The following FRYL variants were observed in gnomAD, a reference collection of about 807,000 sequenced individuals.
FRYL encodes the protein FRY like transcription coactivator, also known as protein furry homolog-like.
In FRYL, 150 loss-of-function variants were observed where a neutral mutation model predicts 351.2. The ratio of observed to expected loss-of-function variants is 0.43; its 90% CI spans 0.37 to 0.49. The LOEUF (loss-of-function observed/expected upper bound fraction) is 0.49, where lower values mean the gene tolerates loss of function less well. Among genes scored for constraint, FRYL ranks in the 20% least tolerant of loss-of-function variants. The pLI is 0.00. For missense variants in FRYL, 3,036 were observed against 3,619.3 expected, an observed-to-expected ratio of 0.84 and a Z score of 4.13; for synonymous variants, 1,153 against 1,257.1, an observed-to-expected ratio of 0.92 and a Z score of 1.75.
chr4:48,675,412 G>C (rs527678950), intron 3 of FRYL, among the ~76,000 whole-genome samples: 19 of 152,366 alleles, frequency 1.2e-4, no homozygotes, highest in Admixed American at 1.0e-3. Flanking sequence ...GTGGGCGTGG[G>C]CTTGCCAGGC....
chr4:48,553,304 G>T lies in FRYL; in HGVS notation c.4346C>A (p.Thr1449Asn). The T allele has an allele frequency of 1.2e-6, 2 of 1,612,514 alleles. No individual in the cohort carries two copies. Among genetic ancestry groups the T allele is most frequent in the Non-Finnish European group, 1.7e-6 (2 of 1,178,664 alleles). Residue 1449 changes from threonine (T) to asparagine (N), a missense_variant, in exon 36 of 64, where the codon ACC becomes AAC. By Grantham distance (65) the Thr-to-Asn change is moderately conservative (BLOSUM62 0). Around this residue, in one of 7 missense-constraint regions of FRYL, gnomAD observed 1,987 missense variants for 2,311.7 expected, o/e 0.86. Transcript: ENST00000358350. ...LEELVSELQLTDPVSSGVTHM... is the reference protein window; with the variant it reads ...LEELVSELQLNDPVSSGVTHM... ...AGTGACCCCTGAACTGACAGGATCG[G>T]TCAGCTGAAGCTCACTCACCAGCTC... is the stretch of plus-strand genomic sequence containing the variant.
chr4:48,625,896 C>T, intron 4 of FRYL, among the ~76,000 whole-genome samples: 1 of 152,094 alleles, frequency 6.6e-6, no homozygotes, highest in Non-Finnish European at 1.5e-5. Context: ...ATTTAAAACT[C>T]TAGGAATATA....
chr4:48,632,990 G>A (rs894902207), intron 4 of FRYL, among the ~76,000 whole-genome samples: 3 of 152,066 alleles, frequency 2.0e-5, no homozygotes, highest in African/African-American at 2.4e-5. Flanking sequence ...TCAGTGCGCC[G>A]TCACAAACCC....
intron 1 of FRYL, among the ~76,000 whole-genome samples, chr4:48,749,753 G>A (rs927551229): frequency 2.0e-5 from 3 of 152,158 alleles, no homozygotes; most frequent in Non-Finnish European, 4.4e-5. Flanking sequence ...ATGGCAAGCC[G>A]TGTTTCCTGT....
intron 2 of FRYL, among the ~76,000 whole-genome samples, chr4:48,697,885 A>T (rs980186742): frequency 2.0e-5 from 3 of 152,242 alleles, no homozygotes; most frequent in African/African-American, 7.2e-5. Context: ...GAATGGGAAT[A>T]GCATCTCTGG....
At chr4:48,588,389 A>T (rs1269381683) in intron 18 of FRYL, among the ~76,000 whole-genome samples, 1 of 152,062 alleles carries the variant, frequency 6.6e-6, no homozygotes, top group Non-Finnish European at 1.5e-5. Flanking sequence ...CCAGTTCTAC[A>T]CCCCACTCCA....
chr4:48,654,298 C>CA (rs34418324), intron 3 of FRYL, among the ~76,000 whole-genome samples: 10,170 of 123,380 alleles, frequency 0.082, 497 homozygotes, highest in African/African-American at 0.16. Flanking sequence ...AATAGCTGAT[C>CA]AAAAAAAAAA....
chr4:48,600,312 A>G (rs1379106686), intron 13 of FRYL, among the ~76,000 whole-genome samples: 1 of 152,206 alleles, frequency 6.6e-6, no homozygotes. Flanking sequence ...CAGAGCAGCC[A>G]CATTATCTAA....
chr4:48,525,418 T>C (rs1028810512), intron 53 of FRYL, among the ~76,000 whole-genome samples: 15 of 152,230 alleles, frequency 9.9e-5, no homozygotes, highest in African/African-American at 3.6e-4. Context: ...GGAGGCACCA[T>C]GGTCACATCC....
intron 3 of FRYL, among the ~76,000 whole-genome samples, chr4:48,680,712 T>C (rs1267724611): frequency 1.3e-5 from 2 of 152,138 alleles, no homozygotes; most frequent in African/African-American, 2.4e-5. Context: ...AAGTGCATTA[T>C]AGTTTTATCT....
intron 1 of FRYL, among the ~76,000 whole-genome samples, chr4:48,776,034 TAC>T (rs1775975979): frequency 7.2e-6 from 1 of 138,536 alleles, no homozygotes; most frequent in Admixed American, 7.6e-5. Flanking sequence ...GACAGTCCTA[TAC>T]AGAGGTTAAA....
At chr4:48,638,924 G>A (rs971450362) in intron 3 of FRYL, among the ~76,000 whole-genome samples, 1 of 152,084 alleles carries the variant, frequency 6.6e-6, no homozygotes, top group Non-Finnish European at 1.5e-5. Context: ...AAGGGACACA[G>A]GGAGGGGAAC....
At chr4:48,504,115 ATGAG>A (rs1370622740) in intron 60 of FRYL, among the ~76,000 whole-genome samples, 3 of 152,048 alleles carry the variant, frequency 2.0e-5, no homozygotes, top group Admixed American at 1.3e-4. Flanking sequence ...GTTTTTGTGG[ATGAG>A]TGTGTGTGTG....
intron 1 of FRYL, among the ~76,000 whole-genome samples, chr4:48,744,946 G>A (rs1042235730): frequency 1.2e-4 from 18 of 152,082 alleles, no homozygotes; most frequent in Admixed American, 2.0e-4. Context: ...CAAAGAAGGC[G>A]GCAAAGGATA....
intron 26 of FRYL, among the ~76,000 whole-genome samples, chr4:48,572,683 T>C (rs1738611040): frequency 6.6e-6 from 1 of 152,214 alleles, no homozygotes; most frequent in Admixed American, 6.5e-5. Context: ...CATAACCATC[T>C]GTCCCACTGG....
chr4:48,520,368 A>G (rs1724643624), intron 55 of FRYL, among the ~76,000 whole-genome samples: 1 of 152,226 alleles, frequency 6.6e-6, no homozygotes, highest in Non-Finnish European at 1.5e-5. Flanking sequence ...TCTGATACCT[A>G]GATTAGATCT....
intron 3 of FRYL, among the ~76,000 whole-genome samples, chr4:48,682,722 C>T (rs1764753446): frequency 6.6e-6 from 1 of 152,106 alleles, no homozygotes. Context: ...ATTGAGACAC[C>T]ATCTCATGCC....
At chr4:48,521,365 A>C in intron 54 of FRYL, 150 bp from the exon 55 acceptor site, 1 of 604,510 alleles carries the variant, frequency 1.7e-6, no homozygotes, top group South Asian at 2.6e-5. Context: ...TCTACACCAG[A>C]ATGGGTGTTG....
intron 1 of FRYL, among the ~76,000 whole-genome samples, chr4:48,722,886 T>A (rs1769646887): frequency 6.6e-6 from 1 of 152,186 alleles, no homozygotes; most frequent in Non-Finnish European, 1.5e-5. Flanking sequence ...AAAATTATAA[T>A]GGCTCACTGA....
Sources: allele counts gnomAD v4.1 joint callset (sites outside exome capture counted in the v4.1 genomes callset), GRCh38; gene constraint gnomAD v4.1.1; regional missense constraint gnomAD v4.1.1; transcripts MANE v1.5; gene names NCBI Gene and HGNC (gene_info 2026-07-23, HGNC 2026-07-21).